Variants in CAST observed in about 807,000 individuals in gnomAD.
CAST encodes calpastatin, also known as MIR583 host.
In CAST, 76 loss-of-function variants were observed where a neutral mutation model predicts 119.6. The ratio of observed to expected loss-of-function variants is 0.64; its 90% confidence interval spans 0.53 to 0.77. The LOEUF (loss-of-function observed/expected upper bound fraction) is 0.77. CAST is among the 30% of genes least tolerant of loss of function. The pLI, the probability that CAST is intolerant of heterozygous loss-of-function variation, is 0.00. For missense variants in CAST, 953 were observed against 946.5 expected (o/e 1.01, Z -0.09); for synonymous variants, 319 against 331.6 (o/e 0.96, Z 0.41).
chr5:96,687,366 T>C (rs1373118360), intron 2 of CAST, among the ~76,000 whole-genome samples: 1 of 152,240 alleles, frequency 6.6e-6, no homozygotes, highest in Non-Finnish European at 1.5e-5. Context: ...GGAGAGAATC[T>C]TTGTCAGTGT....
chr5:96,003,354 C>T, the CAST span, among the ~76,000 whole-genome samples: 12 of 152,018 alleles, frequency 7.9e-5, no homozygotes, highest in South Asian at 1.9e-3. Flanking sequence ...CTGGCTAACA[C>T]GGTGAAACCC....
intron 13 of CAST, 116 bp from the exon 14 acceptor site, chr5:96,741,150 C>T (rs915179541): frequency 9.2e-6 from 6 of 655,312 alleles, no homozygotes; most frequent in African/African-American, 7.3e-5. Context: ...CATTAACACA[C>T]CTCATTTGGT....
chr5:96,240,804 C>T, the CAST span, among the ~76,000 whole-genome samples: 4 of 135,466 alleles, frequency 3.0e-5, no homozygotes, highest in Non-Finnish European at 6.2e-5. Flanking sequence ...GATAATTTTA[C>T]ATACTTTCAA....
At chr5:96,541,157 A>G (rs1580816420) in intron 1 of CAST, among the ~76,000 whole-genome samples, 1 of 152,312 alleles carries the variant, frequency 6.6e-6, no homozygotes, top group East Asian at 1.9e-4. Flanking sequence ...TCATTAATTA[A>G]TTTATGAAAT....
intron 3 of CAST, among the ~76,000 whole-genome samples, chr5:96,717,436 T>C (rs1304970286): frequency 3.3e-5 from 5 of 152,202 alleles, no homozygotes; most frequent in Non-Finnish European, 7.3e-5. Flanking sequence ...GTGATGGTGA[T>C]AGTGATAACA....
At chr5:96,009,179 A>G in the CAST span, among the ~76,000 whole-genome samples, 182 of 152,298 alleles carry the variant, frequency 1.2e-3, 1 homozygote, top group African/African-American at 4.2e-3. Flanking sequence ...TCCATGATAT[A>G]TATGTACCAC....
the CAST span, among the ~76,000 whole-genome samples, chr5:96,258,530 C>G: frequency 6.6e-6 from 1 of 152,130 alleles, no homozygotes; most frequent in African/African-American, 2.4e-5. Flanking sequence ...AGCGTTCCTC[C>G]TCACCCTTTC....
the CAST span, among the ~76,000 whole-genome samples, chr5:96,429,950 A>G: frequency 1.3e-5 from 2 of 152,256 alleles, no homozygotes; most frequent in Non-Finnish European, 2.9e-5. Context: ...TTAATCAAAT[A>G]TATCTGTTCA....
the CAST span, among the ~76,000 whole-genome samples, chr5:95,963,530 C>A: frequency 6.6e-6 from 1 of 152,134 alleles, no homozygotes; most frequent in Non-Finnish European, 1.5e-5. Context: ...ACAGTGTTAT[C>A]TTAAATTCAT....
At chr5:96,024,457 C>A in the CAST span, among the ~76,000 whole-genome samples, 4 of 152,130 alleles carry the variant, frequency 2.6e-5, no homozygotes, top group Non-Finnish European at 5.9e-5. Flanking sequence ...AGAGACTGGA[C>A]AAAGCTTCCA....
the CAST span, among the ~76,000 whole-genome samples, chr5:96,518,637 C>A: frequency 6.6e-6 from 1 of 152,144 alleles, no homozygotes; most frequent in African/African-American, 2.4e-5. Flanking sequence ...TCCTGGTGAC[C>A]GTAGCAGGCT....
chr5:96,632,360 C>A (rs1747832605), intron 1 of CAST, among the ~76,000 whole-genome samples: 1 of 150,376 alleles, frequency 6.6e-6, no homozygotes, highest in African/African-American at 2.4e-5. Context: ...TTTGATGAAG[C>A]CCAATTTTTA....
the CAST span, chr5:96,422,080 T>C: frequency 1.4e-6 from 1 of 694,552 alleles, no homozygotes; most frequent in East Asian, 2.5e-5. Context: ...CTCAAAAGCC[T>C]GCATTTTAGA....
chr5:96,240,061 A>G, the CAST span, among the ~76,000 whole-genome samples: 1 of 152,218 alleles, frequency 6.6e-6, no homozygotes, highest in African/African-American at 2.4e-5. Flanking sequence ...TTTCCTATAT[A>G]GTAGGTAACT....
the CAST span, among the ~76,000 whole-genome samples, chr5:96,388,619 T>C: frequency 6.6e-6 from 1 of 152,216 alleles, no homozygotes; most frequent in Non-Finnish European, 1.5e-5. Context: ...AGTGGATAAT[T>C]CAAACAATCA....
At chr5:96,189,218 C>T in the CAST span, among the ~76,000 whole-genome samples, 4 of 152,052 alleles carry the variant, frequency 2.6e-5, no homozygotes, top group East Asian at 3.9e-4. Flanking sequence ...TCTTGGTTTT[C>T]GCCTTTGCTT....
chr5:96,533,391 G>A (rs937939705), intron 1 of CAST, among the ~76,000 whole-genome samples: 2 of 152,162 alleles, frequency 1.3e-5, no homozygotes. Flanking sequence ...AAAGTCTCCA[G>A]TACCAAACTA....
the CAST span, among the ~76,000 whole-genome samples, chr5:96,250,248 A>C: frequency 1.3e-5 from 2 of 152,170 alleles, no homozygotes; most frequent in South Asian, 4.1e-4. Context: ...TTTATATAAA[A>C]AAGGGTGTTC....
At chr5:96,452,976 A>AAAG in the CAST span, among the ~76,000 whole-genome samples, 7 of 142,424 alleles carry the variant, frequency 4.9e-5, no homozygotes, top group African/African-American at 2.1e-4. Context: ...AAAAAAAAAA[A>AAAG]CAGAAGAAAG....
Sources: gnomAD v4.1 joint callset for allele counts (sites outside exome capture counted in the v4.1 genomes callset) on GRCh38, gnomAD v4.1.1 for gene constraint, MANE v1.5 for transcripts, NCBI Gene and HGNC (gene_info 2026-07-23, HGNC 2026-07-21) for gene names.